Variants in NRG1 observed in about 807,000 individuals in gnomAD.
NRG1 encodes neuregulin 1.
Under a neutral mutation model 63.8 loss-of-function variants are expected in NRG1, and 18 were observed. The observed-to-expected ratio is 0.28, with a 90% CI of 0.19 to 0.42. The LOEUF (loss-of-function observed/expected upper bound fraction) is 0.42, where lower values mean the gene tolerates loss of function less well. Ranked by LOEUF, NRG1 falls within the 10% of genes least tolerant of loss-of-function variation. The pLI, the probability that NRG1 is intolerant of heterozygous loss-of-function variation, is 1.00. For synonymous variants in NRG1, 302 were observed against 301.3 expected (o/e 1.00, Z -0.02); for missense variants, 762 against 814.7 (o/e 0.94, Z 0.79).
At chr8:32,426,551 C>T (rs1817397203) in intron 1 of NRG1, among the ~76,000 whole-genome samples, 1 of 152,144 alleles carries the variant, frequency 6.6e-6, no homozygotes, top group East Asian at 1.9e-4. Context: ...AAGTAGTAGA[C>T]ATTCTCCTAG....
intron 1 of NRG1, among the ~76,000 whole-genome samples, chr8:32,016,289 C>G (rs909628931): frequency 1.3e-5 from 2 of 151,966 alleles, no homozygotes; most frequent in African/African-American, 4.8e-5. Flanking sequence ...TCTCGAATTC[C>G]TCACCTCAAG....
chr8:31,914,357 C>A (rs1312230377), intron 1 of NRG1, among the ~76,000 whole-genome samples: 1 of 149,124 alleles, frequency 6.7e-6, no homozygotes, highest in South Asian at 2.1e-4. Flanking sequence ...TTTTTGAATT[C>A]ACACTAAAGA....
At chr8:32,474,558 T>C (rs1824256378) in intron 1 of NRG1, among the ~76,000 whole-genome samples, 1 of 150,386 alleles carries the variant, frequency 6.6e-6, no homozygotes, top group Non-Finnish European at 1.5e-5. Flanking sequence ...AGTGGCACCA[T>C]CTTGGCTCAC....
intron 1 of NRG1, among the ~76,000 whole-genome samples, chr8:31,940,582 CA>C (rs1335730973): frequency 6.6e-6 from 1 of 151,670 alleles, no homozygotes; most frequent in African/African-American, 2.4e-5. Context: ...TTGAAACAAA[CA>C]AAAACAATAC....
intron 1 of NRG1, among the ~76,000 whole-genome samples, chr8:31,841,084 T>A (rs1826158586): frequency 6.6e-6 from 1 of 152,198 alleles, no homozygotes; most frequent in African/African-American, 2.4e-5. Context: ...GTATTTGTGA[T>A]AAAGTTTTAA....
intron 5 of NRG1, among the ~76,000 whole-genome samples, chr8:32,724,522 G>T (rs1020164873): frequency 2.0e-5 from 3 of 152,104 alleles, no homozygotes; most frequent in Non-Finnish European, 4.4e-5. Flanking sequence ...AGTGTGTACG[G>T]CACAGAGAAA....
intron 2 of NRG1, among the ~76,000 whole-genome samples, chr8:32,598,241 C>CA (rs1243717751): frequency 1.1e-4 from 17 of 151,588 alleles, no homozygotes; most frequent in African/African-American, 3.9e-4. Flanking sequence ...ACTGTTAGAG[C>CA]AGGGGAGGAG....
intron 1 of NRG1, among the ~76,000 whole-genome samples, chr8:31,876,886 C>A (rs1177546232): frequency 6.6e-6 from 1 of 152,132 alleles, no homozygotes; most frequent in Non-Finnish European, 1.5e-5. Context: ...AACTCCACTG[C>A]CATCTCTACT....
chr8:32,503,060 C>G (rs1445347055), intron 1 of NRG1, among the ~76,000 whole-genome samples: 1 of 151,754 alleles, frequency 6.6e-6, no homozygotes, highest in East Asian at 1.9e-4. Context: ...CTGAGATGGG[C>G]GGATCATGAG....
intron 1 of NRG1, among the ~76,000 whole-genome samples, chr8:32,274,354 A>G (rs1187209447): frequency 6.6e-6 from 1 of 152,198 alleles, no homozygotes; most frequent in Non-Finnish European, 1.5e-5. Context: ...AAAAGGTTTC[A>G]TTAAAATTGA....
At chr8:32,126,777 C>A (rs2131595037) in intron 1 of NRG1, among the ~76,000 whole-genome samples, 1 of 152,044 alleles carries the variant, frequency 6.6e-6, no homozygotes, top group Non-Finnish European at 1.5e-5. Context: ...TTTCAATTTT[C>A]TCTCTGCCAA....
At chr8:32,327,004 G>A (rs1488008071) in intron 1 of NRG1, among the ~76,000 whole-genome samples, 2 of 152,178 alleles carry the variant, frequency 1.3e-5, no homozygotes, top group African/African-American at 4.8e-5. Flanking sequence ...AAGAGGTCTT[G>A]GAAATTCTGC....
At chr8:31,984,805 C>T (rs1427066064) in intron 1 of NRG1, among the ~76,000 whole-genome samples, 3 of 152,096 alleles carry the variant, frequency 2.0e-5, no homozygotes, top group African/African-American at 7.2e-5. Context: ...TTGGTCCCAA[C>T]GCATAAAGGG....
chr8:31,755,724 G>A (rs536079570), intron 1 of NRG1, among the ~76,000 whole-genome samples: 47 of 152,182 alleles, frequency 3.1e-4, no homozygotes, highest in Non-Finnish European at 5.9e-4. Flanking sequence ...CTGCACTGCA[G>A]CAGCGCGTAT....
chr8:32,292,522 CTCT>C (rs1448867884), intron 1 of NRG1, among the ~76,000 whole-genome samples: 2 of 152,190 alleles, frequency 1.3e-5, no homozygotes, highest in Admixed American at 1.3e-4. Flanking sequence ...AATTCTCCTC[CTCT>C]TCTTCCTCCC....
At chr8:32,636,423 G>GA (rs1482437983) in intron 5 of NRG1, among the ~76,000 whole-genome samples, 1 of 152,110 alleles carries the variant, frequency 6.6e-6, no homozygotes, top group Non-Finnish European at 1.5e-5. Flanking sequence ...TCACTGGGTG[G>GA]AGAATCCAGC....
chr8:32,544,016 T>C (rs1182349878), upstream of NRG1, among the ~76,000 whole-genome samples: 1 of 152,182 alleles, frequency 6.6e-6, no homozygotes, highest in Non-Finnish European at 1.5e-5. Context: ...TCCTCCCTCA[T>C]AGGATGGTCT....
Position 31,646,214 on chromosome 8 carries a change from T to C in NRG1, c.37+6783T>C, listed in dbSNP as rs148033447. On this transcript the variant is annotated intron_variant, in intron 1 of 10. Transcript: ENST00000519301. ...TCTCCAAAGCCCAAGGCTCTGTCTT[T>C]GGACATCTGCCCTGGCTTGCTGGGA... Among the ~76,000 whole-genome samples the C allele has an allele frequency of 2.0e-5, 3 of 152,368 alleles. No individual in the cohort carries two copies. The East Asian group carries it at 5.8e-4, about 29-fold the overall frequency.
intron 5 of NRG1, among the ~76,000 whole-genome samples, chr8:32,637,513 A>AC (rs1311792641): frequency 1.3e-5 from 2 of 152,084 alleles, no homozygotes; most frequent in Non-Finnish European, 2.9e-5. Context: ...TTAATTCTCC[A>AC]AATTAAAAGA....
Sources: allele counts gnomAD v4.1 joint callset (sites outside exome capture counted in the v4.1 genomes callset), GRCh38; gene constraint gnomAD v4.1.1; transcripts MANE v1.5; gene names NCBI Gene and HGNC (gene_info 2026-07-23, HGNC 2026-07-21).